KLHDC10: variants seen among roughly 807,000 people sequenced by gnomAD.
KLHDC10 encodes the protein kelch domain-containing protein 10.
A neutral mutation model predicts 56.1 loss-of-function variants in KLHDC10; 24 were observed. The ratio of observed to expected loss-of-function variants is 0.43; its 90% CI spans 0.31 to 0.60. The LOEUF is 0.60. KLHDC10 is among the 20% of genes least tolerant of loss of function. The pLI is 0.11. For missense variants in KLHDC10, 349 were observed against 567.0 expected (o/e 0.62, Z 3.91); for synonymous variants, 188 against 207.1 (o/e 0.91, Z 0.79).
intron 2 of KLHDC10, among the ~76,000 whole-genome samples, chr7:130,099,018 T>G (rs1033292683): frequency 2.0e-5 from 3 of 152,222 alleles, no homozygotes; most frequent in African/African-American, 7.2e-5. Context: ...GGATCACTAG[T>G]GGCCTTCTTT....
intron 2 of KLHDC10, among the ~76,000 whole-genome samples, chr7:130,104,279 GTTCAAA>G (rs1272650322): frequency 6.6e-6 from 1 of 152,106 alleles, no homozygotes; most frequent in Non-Finnish European, 1.5e-5. Context: ...GACTTGTGCA[GTTCAAA>G]TTCATTTTGT....
chr7:130,070,935 G>T, intron 1 of KLHDC10, 126 bp downstream of exon 1: 1 of 575,614 alleles, frequency 1.7e-6, no homozygotes. Flanking sequence ...CAGAGGGACT[G>T]GGGATCAGAG....
At chr7:130,123,362 C>T (rs1222278503) in intron 5 of KLHDC10, among the ~76,000 whole-genome samples, 5 of 151,578 alleles carry the variant, frequency 3.3e-5, no homozygotes, top group African/African-American at 4.9e-5. Context: ...CCCAGCTACT[C>T]GGGAGGCTGA....
rs777530496 is a variant in KLHDC10 at position 130,135,319 on chromosome 7, A to G, written c.*4573A>G. ...TGCACAGAGTCTGCACAGGGAGAGC[A>G]CAGGCATCTCCCTGGAAAAGCACCT... is the stretch of plus-strand genomic sequence containing the variant. On this transcript the variant is annotated 3_prime_UTR_variant, in exon 10 of 10. Transcript: ENST00000335420. 6.5e-6 allele frequency: 1 copy of G among 154,378 alleles called. No individual in the cohort carries two copies. The highest frequency in any genetic ancestry group is 1.5e-5 in the Non-Finnish European group (1 of 68,208). 9.6% of individuals were successfully genotyped at this position (154,378 alleles called of 1,614,324 possible).
At chr7:130,114,499 C>T (rs1457990329) in intron 2 of KLHDC10, among the ~76,000 whole-genome samples, 2 of 152,164 alleles carry the variant, frequency 1.3e-5, no homozygotes, top group South Asian at 2.1e-4. Flanking sequence ...AGGTCAGTGA[C>T]TTGCTCAAAG....
At chr7:130,077,039 T>G (rs1416754461) in intron 1 of KLHDC10, among the ~76,000 whole-genome samples, 1 of 152,134 alleles carries the variant, frequency 6.6e-6, no homozygotes, top group Non-Finnish European at 1.5e-5. Context: ...ACAGGGTCTA[T>G]ATTCATTTCT....
At chr7:130,111,529 T>C (rs1004578069) in intron 2 of KLHDC10, among the ~76,000 whole-genome samples, 4 of 152,136 alleles carry the variant, frequency 2.6e-5, no homozygotes, top group Non-Finnish European at 5.9e-5. Context: ...GGCAACATAA[T>C]GATGCCTCAT....
chr7:130,127,581 A>G, intron 8 of KLHDC10, 130 bp downstream of exon 8: 1 of 660,162 alleles, frequency 1.5e-6, no homozygotes, highest in Non-Finnish European at 2.6e-6. Context: ...GTAAACTTAA[A>G]GGGAAATTCA....
Position 130,135,111 on chromosome 7 carries a change from A to C in KLHDC10, c.*4365A>C, listed in dbSNP as rs1439487852. On this transcript the variant is annotated 3_prime_UTR_variant, in exon 10 of 10. Transcript: ENST00000335420. ...AATTTGAAAAAAAAAAAAAAAAAAAAACAACTTTTTATAAGTTTTTTAAGG... is the reference window on the plus strand; with the variant it reads ...AATTTGAAAAAAAAAAAAAAAAAAACACAACTTTTTATAAGTTTTTTAAGG... The C allele has an allele frequency of 1.5e-5, 2 of 135,968 alleles. No homozygotes were observed. The highest frequency in any genetic ancestry group is 3.3e-5 in the Non-Finnish European group (2 of 60,036). 8.4% of individuals were successfully genotyped at this position (135,968 alleles called of 1,614,324 possible). A position where few individuals can be genotyped will look rare whatever the true frequency, so the allele number is the denominator to read the frequency against.
At chr7:130,125,233 G>GT (rs1477030192) in intron 6 of KLHDC10, among the ~76,000 whole-genome samples, 5 of 152,136 alleles carry the variant, frequency 3.3e-5, no homozygotes, top group South Asian at 4.1e-4. Flanking sequence ...CTTTTTCTTC[G>GT]TTTTTTTCTG....
At chr7:130,092,201 G>A (rs748087712) in intron 1 of KLHDC10, among the ~76,000 whole-genome samples, 1 of 152,190 alleles carries the variant, frequency 6.6e-6, no homozygotes, top group Non-Finnish European at 1.5e-5. Flanking sequence ...AAATGAGGAA[G>A]TATGAGTCTT....
Position 130,120,814 on chromosome 7 carries a change from G to A in KLHDC10, c.541G>A (p.Gly181Ser), listed in dbSNP as rs1184668953. 2.5e-6 allele frequency: 4 copies of A among 1,613,980 alleles called. No homozygotes were observed. Among genetic ancestry groups the A allele is most frequent in the Middle Eastern group, 1.6e-4 (1 of 6,084 alleles). Reference protein sequence around the residue: ...GTGIPFGESNGNDVHVCNVKY... With the variant: ...GTGIPFGESNSNDVHVCNVKY... ...GGGCATCCCATTTGGAGAGAGCAAC[G>A]GCAATGACGTCCATGTGTGTAATGT... The change falls in exon 4 of 10, where the codon GGC becomes AGC. Residue 181 changes from glycine to serine, a missense_variant. Coordinates refer to ENST00000335420, the MANE Select transcript of KLHDC10 (RefSeq NM_014997.4). The surrounding 1 kb of genome is among the most constrained non-coding windows in gnomAD (Gnocchi z 5.1).
At chr7:130,118,831 C>G (rs1796206707) in intron 3 of KLHDC10, among the ~76,000 whole-genome samples, 1 of 152,124 alleles carries the variant, frequency 6.6e-6, no homozygotes, top group South Asian at 2.1e-4. Flanking sequence ...TTGGTGCAGT[C>G]AAAACTCTCA....
At chr7:130,112,127 G>A (rs533590107) in intron 2 of KLHDC10, among the ~76,000 whole-genome samples, 1 of 152,052 alleles carries the variant, frequency 6.6e-6, no homozygotes, top group Non-Finnish European at 1.5e-5. Flanking sequence ...TCATACATTT[G>A]TATACAAATA....
intron 2 of KLHDC10, among the ~76,000 whole-genome samples, chr7:130,102,989 A>G (rs1484957168): frequency 2.0e-5 from 3 of 152,146 alleles, no homozygotes; most frequent in Non-Finnish European, 4.4e-5. Context: ...AAATAGAGGA[A>G]ATTTGCAGAC....
intron 2 of KLHDC10, 70 bp downstream of exon 2, chr7:130,097,077 C>G (rs960181101): frequency 9.5e-7 from 1 of 1,054,672 alleles, no homozygotes; most frequent in African/African-American, 1.6e-5. Flanking sequence ...ATTTTCTAAG[C>G]TCAAAACTCT....
intron 1 of KLHDC10, among the ~76,000 whole-genome samples, chr7:130,082,461 A>C (rs1243761240): frequency 6.6e-6 from 1 of 152,212 alleles, no homozygotes; most frequent in African/African-American, 2.4e-5. Flanking sequence ...TGTGTAAATA[A>C]TTACTTATCA....
chr7:130,119,536 T>TAAA (rs1796218391), intron 3 of KLHDC10, among the ~76,000 whole-genome samples: 1 of 27,552 alleles, frequency 3.6e-5, no homozygotes, highest in African/African-American at 1.5e-4. Flanking sequence ...AAAAAAAGAG[T>TAAA]TAAAAAAAAA....
intron 6 of KLHDC10, among the ~76,000 whole-genome samples, chr7:130,125,423 G>T (rs1346137075): frequency 6.6e-6 from 1 of 152,040 alleles, no homozygotes; most frequent in African/African-American, 2.4e-5. Flanking sequence ...GGCACCTGTA[G>T]TCTCAGCTAC....
Sources: gnomAD v4.1 joint callset for allele counts (sites outside exome capture counted in the v4.1 genomes callset) on GRCh38, gnomAD v4.1.1 for gene constraint, Gnocchi (gnomAD v3.1) non-coding constraint, MANE v1.5 for transcripts, NCBI Gene and HGNC (gene_info 2026-07-23, HGNC 2026-07-21) for gene names.